FGGY: variants seen among roughly 807,000 people sequenced by gnomAD.
FGGY encodes the protein FGGY carbohydrate kinase domain-containing protein.
A neutral mutation model predicts 71.3 loss-of-function variants in FGGY; 72 were observed. The observed-to-expected ratio is 1.01, with a 90% confidence interval of 0.84 to 1.23. The LOEUF is 1.23. FGGY is among the 50% of genes most tolerant of loss of function. The pLI, the probability that FGGY is intolerant of heterozygous loss-of-function variation, is 0.00. For missense variants in FGGY, 668 were observed against 682.3 expected (o/e 0.98, Z 0.23); for synonymous variants, 251 against 250.3 (o/e 1.00, Z -0.02).
chr1:59,325,902 T>C (rs115621983), intron 2 of FGGY, among the ~76,000 whole-genome samples: 2,032 of 152,292 alleles, frequency 0.013, 42 homozygotes, highest in African/African-American at 0.046. Context: ...TTCCCTAAAT[T>C]TGGCAGGTTT....
chr1:59,303,917 A>C (rs777841754), intron 1 of FGGY, among the ~76,000 whole-genome samples: 27 of 151,884 alleles, frequency 1.8e-4, no homozygotes, highest in Admixed American at 9.8e-4. Context: ...TGTCTATTCG[A>C]GTTCTTTGCC....
intron 9 of FGGY, among the ~76,000 whole-genome samples, chr1:59,610,520 A>C (rs1441380401): frequency 6.6e-6 from 1 of 152,168 alleles, no homozygotes; most frequent in Non-Finnish European, 1.5e-5. Flanking sequence ...TGCTATTGTA[A>C]ATAGAGCTAC....
chr1:59,580,168 T>C (rs1376317506), intron 8 of FGGY, among the ~76,000 whole-genome samples: 1 of 152,180 alleles, frequency 6.6e-6, no homozygotes, highest in African/African-American at 2.4e-5. Context: ...CTCTCTATCC[T>C]TCTTTATTTT....
chr1:59,556,561 A>T (rs1042886247), intron 8 of FGGY, among the ~76,000 whole-genome samples: 1 of 152,194 alleles, frequency 6.6e-6, no homozygotes, highest in South Asian at 2.1e-4. Flanking sequence ...TGATGTACCC[A>T]TAGAGGAATG....
At chr1:59,517,130 T>G (rs767221280) in intron 7 of FGGY, among the ~76,000 whole-genome samples, 1 of 152,110 alleles carries the variant, frequency 6.6e-6, no homozygotes, top group Non-Finnish European at 1.5e-5. Context: ...CTGCTGATAT[T>G]TTTCTAGCTT....
intron 14 of FGGY, among the ~76,000 whole-genome samples, chr1:59,750,479 C>A (rs1175300101): frequency 6.6e-6 from 1 of 152,094 alleles, no homozygotes; most frequent in Non-Finnish European, 1.5e-5. Context: ...GAAGTATACA[C>A]CCATATAGTC....
intron 1 of FGGY, among the ~76,000 whole-genome samples, chr1:59,320,561 G>A (rs1378463262): frequency 6.6e-6 from 1 of 152,148 alleles, no homozygotes; most frequent in Non-Finnish European, 1.5e-5. Context: ...CTGACCAAAG[G>A]GACTTAGAGC....
At chr1:59,754,723 T>A (rs1359853907) in intron 14 of FGGY, 1 of 152,216 alleles carries the variant, frequency 6.6e-6, no homozygotes, top group Non-Finnish European at 1.5e-5. Flanking sequence ...CGGCCCAACC[T>A]CATGCTTCTT....
At chr1:59,475,587 C>G (rs1273987250) in intron 6 of FGGY, among the ~76,000 whole-genome samples, 1 of 152,174 alleles carries the variant, frequency 6.6e-6, no homozygotes, top group Non-Finnish European at 1.5e-5. Flanking sequence ...TAGAAGGTGT[C>G]ACAATTCTCC....
At position 59,707,689 on chromosome 1, in the gene FGGY, T is replaced by C. The variant is rs552601925; in HGVS notation, c.1512+33556T>C. On this transcript the variant is annotated intron_variant, in intron 14 of 15. Transcript: ENST00000303721. ...AACACCATGCATGAAAATGGCTGAG[T>C]CTGTTGCTGTTCATGAAGTCTAGTC... is the stretch of plus-strand genomic sequence containing the variant. Among the ~76,000 whole-genome samples, 29 of 152,250 alleles carry C rather than the reference T, an allele frequency of 1.9e-4. No individual in the cohort carries two copies. In the South Asian group the frequency reaches 3.7e-3, roughly 20 times the overall value.
chr1:59,729,503 G>T (rs2097996585), intron 14 of FGGY, among the ~76,000 whole-genome samples: 1 of 152,126 alleles, frequency 6.6e-6, no homozygotes, highest in Non-Finnish European at 1.5e-5. Context: ...GTGACATTTT[G>T]TGTTAGAAAT....
At chr1:59,352,911 C>A (rs2053579526) in intron 4 of FGGY, among the ~76,000 whole-genome samples, 1 of 152,156 alleles carries the variant, frequency 6.6e-6, no homozygotes, top group African/African-American at 2.4e-5. Context: ...GAAATGCCAT[C>A]ATTTAAATAG....
chr1:59,589,942 C>T (rs891181747), intron 8 of FGGY, among the ~76,000 whole-genome samples: 1 of 151,916 alleles, frequency 6.6e-6, no homozygotes. Context: ...AAAATCACAG[C>T]AGAACTGAAG....
chr1:59,615,448 G>A (rs2096741552), intron 9 of FGGY, among the ~76,000 whole-genome samples: 1 of 152,176 alleles, frequency 6.6e-6, no homozygotes, highest in African/African-American at 2.4e-5. Flanking sequence ...GCCATATGGA[G>A]AAAGCTGAAA....
chr1:59,597,567 G>C (rs1267727447), intron 8 of FGGY, among the ~76,000 whole-genome samples: 1 of 152,290 alleles, frequency 6.6e-6, no homozygotes, highest in Non-Finnish European at 1.5e-5. Flanking sequence ...ACCCTGGCTT[G>C]TATGGAGGTG....
At chr1:59,383,480 C>G (rs926182389) in intron 5 of FGGY, among the ~76,000 whole-genome samples, 9 of 152,120 alleles carry the variant, frequency 5.9e-5, no homozygotes, top group African/African-American at 1.9e-4. Flanking sequence ...TGGCCAAAGG[C>G]ATTCCAAATT....
rs146690473 is a variant in FGGY at position 59,321,737 on chromosome 1, G to C, written c.188G>C (p.Cys63Ser). Residue 63 changes from cysteine to serine, a missense_variant, in exon 2 of 16, where the codon TGT becomes TCT. This residue lies in a region of FGGY where 661 missense variants were observed against 661.6 expected (regional missense o/e 1.00). Transcript: ENST00000303721. The stretch of plus-strand genomic sequence containing the variant: ...TCCGAGGACATCTGGGCTGCGTGCT[G>C]TGTTGTCACAAAGGTATGGGCAAAA... ...QSSEDIWAAC[C>S]VVTKKVVQGI... 945 of 1,610,852 alleles carry C rather than the reference G, an allele frequency of 5.9e-4. 1 individual carries two copies. The highest frequency in any genetic ancestry group is 7.5e-4 in the Non-Finnish European group (880 of 1,178,804).
chr1:59,425,116 C>T (rs1169222489), intron 5 of FGGY, among the ~76,000 whole-genome samples: 4 of 151,992 alleles, frequency 2.6e-5, no homozygotes, highest in Non-Finnish European at 4.4e-5. Flanking sequence ...GCCGTAAAAG[C>T]GATATCATAT....
At chr1:59,457,672 G>C (rs1174702075) in intron 6 of FGGY, among the ~76,000 whole-genome samples, 1 of 152,060 alleles carries the variant, frequency 6.6e-6, no homozygotes, top group Non-Finnish European at 1.5e-5. Flanking sequence ...GAGCAGCTTG[G>C]GAATAGCATA....
Sources: allele counts gnomAD v4.1 joint callset (sites outside exome capture counted in the v4.1 genomes callset), GRCh38; gene constraint gnomAD v4.1.1; regional missense constraint gnomAD v4.1.1; transcripts MANE v1.5; gene names NCBI Gene and HGNC (gene_info 2026-07-23, HGNC 2026-07-21).